MUC4: variants seen among roughly 807,000 people sequenced by gnomAD.
MUC4 encodes the protein mucin-4.
MUC4 carries 202 observed loss-of-function variants against 257.9 expected under a neutral mutation model. The ratio of observed to expected loss-of-function variants is 0.78; its 90% CI spans 0.70 to 0.88. The LOEUF (loss-of-function observed/expected upper bound fraction) is 0.88, where lower values mean the gene tolerates loss of function less well. MUC4 is among the 40% of genes least tolerant of loss of function. The pLI is 0.00. For synonymous variants in MUC4, 2,351 were observed against 2,757.1 expected (o/e 0.85, Z 4.62); for missense variants, 5,976 against 6,513.7 (o/e 0.92, Z 2.84).
chr3:195,800,895 A>G (rs1735219190), intron 1 of MUC4, among the ~76,000 whole-genome samples: 1 of 150,668 alleles, frequency 6.6e-6, no homozygotes, highest in African/African-American at 2.4e-5. Context: ...TCTCTGAAAA[A>G]AAAAAAAAAA....
At chr3:195,766,153 A>T (rs1036011887) in intron 8 of MUC4, among the ~76,000 whole-genome samples, 3 of 151,952 alleles carry the variant, frequency 2.0e-5, no homozygotes, top group African/African-American at 7.3e-5. Context: ...TAGAGACAGA[A>T]TTTCACCATG....
At chr3:195,797,848 T>C (rs1399173455) in intron 1 of MUC4, among the ~76,000 whole-genome samples, 4 of 152,110 alleles carry the variant, frequency 2.6e-5, no homozygotes, top group African/African-American at 9.7e-5. Flanking sequence ...GATTCATGCC[T>C]GAATCCCAGT....
rs945857923 is a variant in MUC4 at position 195,810,809 on chromosome 3, T to G, written c.82+927A>C. 6.6e-6 allele frequency among the ~76,000 whole-genome samples: 1 copy of G among 152,048 alleles called. No homozygotes were observed. The highest frequency in any genetic ancestry group is 1.5e-5 in the Non-Finnish European group (1 of 68,022). On this transcript the variant is annotated intron_variant, in intron 1 of 24. Coordinates refer to ENST00000463781, the MANE Select transcript of MUC4 (RefSeq NM_018406.7). The surrounding 1 kb of genome is among the most constrained non-coding windows in gnomAD (Gnocchi z 4.2). Reference sequence around the variant, plus strand: ...TCTGCGTCTCACCTGTCTCGTCCTCTCACCCTGCAGCTTTACATGAGTTTT... The same window carrying G: ...TCTGCGTCTCACCTGTCTCGTCCTCGCACCCTGCAGCTTTACATGAGTTTT...
rs555067271 is a variant in MUC4, at chr3:195,797,482, C to T, written c.83-5985G>A. Among the ~76,000 whole-genome samples, 134 of 152,182 alleles carry T rather than the reference C, an allele frequency of 8.8e-4. 2 individuals carry two copies. The highest frequency in any genetic ancestry group is 1.3e-3 in the African/African-American group (54 of 41,530). ...AAACTCCTAGCAAACTAAAAAGAGACGTTAACTCTTTTAACCTGATAAACA... is the reference window on the plus strand; with the variant it reads ...AAACTCCTAGCAAACTAAAAAGAGATGTTAACTCTTTTAACCTGATAAACA... On this transcript the variant is annotated intron_variant, in intron 1 of 24. Transcript: ENST00000463781.
intron 1 of MUC4, among the ~76,000 whole-genome samples, chr3:195,809,236 G>A (rs1267035524): frequency 6.6e-6 from 1 of 152,182 alleles, no homozygotes; most frequent in African/African-American, 2.4e-5. Context: ...CAGCTCCTTT[G>A]TGGAAACCCT....
At chr3:195,753,871 C>T (rs898714345) in intron 19 of MUC4, 6 of 285,640 alleles carry the variant, frequency 2.1e-5, no homozygotes, top group African/African-American at 4.4e-5. Flanking sequence ...GGTTCTCTGG[C>T]GGCTGCTGAA....
Position 195,811,363 on chromosome 3 carries a change from G to A in MUC4, c.82+373C>T, listed in dbSNP as rs545033440. On this transcript the variant is annotated intron_variant, in intron 1 of 24. Transcript: ENST00000463781. ...TAATTTTTGTATATTTAGTAGAGAC[G>A]GGGTTTCACCATGTCGGCCAGGCTG... Among the ~76,000 whole-genome samples the A allele has an allele frequency of 4.6e-5, 7 of 151,894 alleles. No individual in the cohort carries two copies. In the South Asian group the frequency reaches 6.2e-4, roughly 14 times the overall value.
In MUC4 at chr3:195,756,310, G is replaced by A. The variant is rs145089637; in HGVS notation, c.15168+837C>T. Among the ~76,000 whole-genome samples, 165 of 152,316 alleles carry A rather than the reference G, an allele frequency of 1.1e-3. 1 individual carries two copies. Among genetic ancestry groups the A allele is most frequent in the African/African-American group, 3.4e-3 (143 of 41,582 alleles). On this transcript the variant is annotated intron_variant, in intron 18 of 24. Coordinates refer to ENST00000463781, the MANE Select transcript of MUC4 (RefSeq NM_018406.7). Reference sequence around the variant, plus strand: ...GGGGAAGTGGGGCGGAGCTGTGATGGAAACCTGTGTGGACTCACGCCCAGG... The same window carrying A: ...GGGGAAGTGGGGCGGAGCTGTGATGAAAACCTGTGTGGACTCACGCCCAGG...
Position 195,761,984 on chromosome 3 carries a change from C to A in MUC4, c.14512+103G>T, listed in dbSNP as rs1430166431. ...CCCCAAGGGTTCTGCTCCAAGGAGG[C>A]GGAGAAAGGGAGGCCGAGCAGGGCT... On this transcript the variant is annotated intron_variant, in intron 14 of 24. Coordinates refer to ENST00000463781, the MANE Select transcript of MUC4 (RefSeq NM_018406.7). 6.8e-6 allele frequency: 9 copies of A among 1,315,894 alleles called. No homozygotes were observed. The Admixed American group carries it at 1.7e-4, about 24-fold the overall frequency. 81.5% of individuals were successfully genotyped at this position (1,315,894 alleles called of 1,614,324 possible).
Position 195,778,532 on chromosome 3 carries a change from A to T in MUC4, c.12791-77T>A, listed in dbSNP as rs144550200. 4.3e-4 allele frequency: 669 copies of T among 1,568,228 alleles called. 9 individuals carry two copies. The African/African-American group carries it at 8.4e-3, about 20-fold the overall frequency. On this transcript the variant is annotated intron_variant, in intron 2 of 24. Coordinates refer to ENST00000463781, the MANE Select transcript of MUC4 (RefSeq NM_018406.7). Reference sequence around the variant, plus strand: ...AGAGTCAAAGAGATTCAAAGAAATCAGGAGCTGGAAGAGGGAGCTGGAAAC... The same window carrying T: ...AGAGTCAAAGAGATTCAAAGAAATCTGGAGCTGGAAGAGGGAGCTGGAAAC...
Position 195,763,711 on chromosome 3 carries a change from T to TCAGGTGCGG in MUC4, c.14045-79_14045-71dup, listed in dbSNP as rs539884250. 2.3e-5 allele frequency: 32 copies of TCAGGTGCGG among 1,375,826 alleles called. No individual in the cohort carries two copies. In the East Asian group the frequency reaches 7.7e-4, roughly 33 times the overall value. The allele number at this position is 1,375,826 out of a possible 1,614,324, so 85.2% of individuals were successfully genotyped here. On this transcript the variant is annotated intron_variant, in intron 11 of 24. Transcript: ENST00000463781. Reference sequence around the variant, plus strand: ...GTAGGGCTGAGGTTCCTCACTGCAGTCAGGTGCGGCACTTGTCCAGGAGGA... The same window carrying TCAGGTGCGG: ...GTAGGGCTGAGGTTCCTCACTGCAGTCAGGTGCGGCAGGTGCGGCACTTGTCCAGGAGGA...
chr3:195,778,600 C>A (rs1725573182), intron 2 of MUC4, 145 bp from the exon 3 acceptor site: 1 of 1,300,312 alleles, frequency 7.7e-7, no homozygotes, highest in East Asian at 2.5e-5. Context: ...CTCTCGACAT[C>A]AGTGCTTTTC....
chr3:195,753,139 G>C lies in MUC4; in HGVS notation c.15420C>G (p.Gly5140=). The C allele has an allele frequency of 6.2e-7, 1 of 1,613,302 alleles. No individual in the cohort carries two copies. The highest frequency in any genetic ancestry group is 8.5e-7 in the Non-Finnish European group (1 of 1,179,738). Reference sequence around the variant, plus strand: ...GGGGGCAGGTGCACATGGGCTGACAGCCCAGAGTCTGGGAGATGTAGCAGT... The same window carrying C: ...GGGGGCAGGTGCACATGGGCTGACACCCCAGAGTCTGGGAGATGTAGCAGT... ...QGHCYISQTL[G]CQPMCTCPPA... The change falls in exon 20 of 25, where the codon GGC becomes GGG. Residue 5140 remains glycine, a synonymous_variant. Coordinates refer to ENST00000463781, the MANE Select transcript of MUC4 (RefSeq NM_018406.7).
chr3:195,784,701 G>A lies in MUC4; in HGVS notation c.6879C>T (p.Ser2293=), dbSNP rs557012231. 18 of 1,453,850 alleles carry A rather than the reference G, an allele frequency of 1.2e-5. 2 individuals are homozygous for A. The highest frequency in any genetic ancestry group is 6.4e-5 in the Admixed American group (3 of 47,170). 90.1% of individuals were successfully genotyped at this position (1,453,850 alleles called of 1,614,324 possible). The change falls in exon 2 of 25, where the codon AGC becomes AGT. Residue 2293 remains serine (S), a synonymous_variant. Transcript: ENST00000463781. The part of the protein sequence containing the change: ...TGDTTPLPVT[S]PSSASTGHAT... ...CGTGACCTGTGGATGCTGAGGAAGG[G>A]CTAGTGACAGGAAGAGGAGTGGTGT...
At chr3:195,767,762 A>ATTG (rs1721541729) in intron 7 of MUC4, among the ~76,000 whole-genome samples, 11 of 95,656 alleles carry the variant, frequency 1.1e-4, no homozygotes, top group Non-Finnish European at 2.3e-4. Context: ...CACCACCATC[A>ATTG]CCACCACCAC....
At chr3:195,767,618 CCAT>C (rs768665959) in intron 7 of MUC4, among the ~76,000 whole-genome samples, 1 of 108,340 alleles carries the variant, frequency 9.2e-6, no homozygotes, top group South Asian at 2.7e-4. Context: ...ATTGCCACCA[CCAT>C]CACCACCATC....
At chr3:195,767,591 C>CCAT (rs1721198092) in intron 7 of MUC4, among the ~76,000 whole-genome samples, 1 of 109,018 alleles carries the variant, frequency 9.2e-6, no homozygotes, top group African/African-American at 4.4e-5. Flanking sequence ...ACCATCACCA[C>CCAT]CACCACCATC....
chr3:195,771,077 G>A lies in MUC4; in HGVS notation c.13242+575C>T, dbSNP rs1349390219. 4.2e-5 allele frequency among the ~76,000 whole-genome samples: 6 copies of A among 142,006 alleles called. No homozygotes were observed. In the East Asian group the frequency reaches 9.3e-4, roughly 22 times the overall value. The allele number at this position is 142,006 out of a possible 152,430, so 93.2% of individuals were successfully genotyped here. ...GGTTGGGGTATTCCTGGTCAGTCTC[G>A]TGGCCGGGTTGGGGTATTCCTGGTC... On this transcript the variant is annotated intron_variant, in intron 5 of 24. Transcript: ENST00000463781.
At chr3:195,762,774 G>A (rs1719475754) in intron 13 of MUC4, 81 bp downstream of exon 13, 2 of 1,325,412 alleles carry the variant, frequency 1.5e-6, no homozygotes, top group African/African-American at 3.1e-5. Context: ...CCACGCGCCC[G>A]GCCCTGCACC....
Sources: allele counts gnomAD v4.1 joint callset (sites outside exome capture counted in the v4.1 genomes callset), GRCh38; gene constraint gnomAD v4.1.1; non-coding constraint Gnocchi (gnomAD v3.1); transcripts MANE v1.5; gene names NCBI Gene and HGNC (gene_info 2026-07-23, HGNC 2026-07-21).